The following KCNIP4 variants were observed in gnomAD, a reference collection of about 807,000 sequenced individuals.
KCNIP4 encodes the protein potassium voltage-gated channel interacting protein 4, also known as Kv channel-interacting protein 4.
A neutral mutation model predicts 34.0 loss-of-function variants in KCNIP4; 12 were observed. That is an observed-to-expected ratio of 0.35 (90% CI 0.23 to 0.57). The LOEUF (loss-of-function observed/expected upper bound fraction) is 0.57, where lower values mean the gene tolerates loss of function less well. Among genes scored for constraint, KCNIP4 ranks in the 20% least tolerant of loss-of-function variants. KCNIP4 has a pLI of 0.83. For missense variants in KCNIP4, 238 were observed against 311.7 expected (o/e 0.76, Z 1.78); for synonymous variants, 124 against 102.2 (o/e 1.21, Z -1.29).
At chr4:21,227,730 T>C (rs1386573423) in intron 1 of KCNIP4, among the ~76,000 whole-genome samples, 1 of 152,146 alleles carries the variant, frequency 6.6e-6, no homozygotes, top group Non-Finnish European at 1.5e-5. Context: ...ATCAATTCCA[T>C]TCTAGTTATT....
At chr4:21,174,073 G>T (rs1224008244) in intron 1 of KCNIP4, among the ~76,000 whole-genome samples, 2 of 152,144 alleles carry the variant, frequency 1.3e-5, no homozygotes, top group Admixed American at 6.5e-5. Context: ...ATGTCAAATT[G>T]TTCCCTTATA....
At chr4:21,640,583 T>C (rs1435917091) in intron 1 of KCNIP4, among the ~76,000 whole-genome samples, 1 of 152,114 alleles carries the variant, frequency 6.6e-6, no homozygotes, top group African/African-American at 2.4e-5. Context: ...CTGATCCATG[T>C]TCCAGCCAAC....
chr4:20,823,936 C>T (rs1396390220), intron 3 of KCNIP4, among the ~76,000 whole-genome samples: 1 of 152,118 alleles, frequency 6.6e-6, no homozygotes, highest in Non-Finnish European at 1.5e-5. Flanking sequence ...AGAATAGTGG[C>T]TAAGAATATG....
intron 1 of KCNIP4, among the ~76,000 whole-genome samples, chr4:21,109,048 G>A (rs1329436974): frequency 9.9e-5 from 15 of 152,224 alleles, no homozygotes; most frequent in Admixed American, 9.2e-4. Flanking sequence ...GGGGGTCAGG[G>A]GTCAGGGACC....
At chr4:21,138,247 A>T (rs1577763224) in intron 1 of KCNIP4, among the ~76,000 whole-genome samples, 2 of 152,122 alleles carry the variant, frequency 1.3e-5, no homozygotes, top group Non-Finnish European at 2.9e-5. Flanking sequence ...TGCCCTAAGG[A>T]TCCCACTCAA....
intron 1 of KCNIP4, among the ~76,000 whole-genome samples, chr4:21,708,661 A>G (rs1225972023): frequency 1.3e-5 from 2 of 152,082 alleles, no homozygotes; most frequent in African/African-American, 4.8e-5. Context: ...CCAGCCTTCC[A>G]TTTCAAAACA....
intron 1 of KCNIP4, among the ~76,000 whole-genome samples, chr4:21,336,482 A>G (rs757879726): frequency 6.6e-6 from 1 of 152,092 alleles, no homozygotes; most frequent in Non-Finnish European, 1.5e-5. Flanking sequence ...CAAGGTATAA[A>G]GCTCCCATTT....
chr4:21,841,193 A>G (rs1723656397), intron 1 of KCNIP4, among the ~76,000 whole-genome samples: 2 of 152,316 alleles, frequency 1.3e-5, no homozygotes, highest in South Asian at 4.1e-4. Context: ...ATGCTTATGA[A>G]CTAAGGCAGA....
intron 1 of KCNIP4, among the ~76,000 whole-genome samples, chr4:21,320,097 A>T (rs1714211143): frequency 6.6e-6 from 1 of 152,244 alleles, no homozygotes; most frequent in African/African-American, 2.4e-5. Flanking sequence ...TCATTTCTAC[A>T]GTTAACCTTA....
At chr4:21,818,531 C>G (rs542527609) in intron 1 of KCNIP4, among the ~76,000 whole-genome samples, 1 of 152,260 alleles carries the variant, frequency 6.6e-6, no homozygotes, top group African/African-American at 2.4e-5. Context: ...GGATTTTAAA[C>G]AAATTAAAAT....
chr4:20,988,911 T>C (rs928079345), intron 1 of KCNIP4, among the ~76,000 whole-genome samples: 3 of 152,242 alleles, frequency 2.0e-5, no homozygotes, highest in African/African-American at 7.2e-5. Flanking sequence ...CTATAATCAC[T>C]GGGCAGAAAG....
chr4:21,193,571 A>ATTT lies in KCNIP4; in HGVS notation c.62-310865_62-310863dup, dbSNP rs71655619. Among the ~76,000 whole-genome samples the ATTT allele has an allele frequency of 7.4e-3, 878 of 119,216 alleles. 40 individuals carry two copies. The highest frequency in any genetic ancestry group is 0.03 in the African/African-American group (827 of 28,010). The allele number at this position is 119,216 out of a possible 152,430, so 78.2% of individuals were successfully genotyped here. ...TATGGATCACTTATTGCAATTTTAAATTTTTTTTTTTTTTTTTTTTGAGAC... is the reference window on the plus strand; with the variant it reads ...TATGGATCACTTATTGCAATTTTAAATTTTTTTTTTTTTTTTTTTTTTTGAGAC... On this transcript the variant is annotated intron_variant, in intron 1 of 8. Coordinates refer to ENST00000382152, the MANE Select transcript of KCNIP4 (RefSeq NM_025221.6).
chr4:21,042,847 T>A (rs1386792562), intron 1 of KCNIP4, among the ~76,000 whole-genome samples: 6 of 152,138 alleles, frequency 3.9e-5, no homozygotes, highest in African/African-American at 7.2e-5. Context: ...AGAATGTGTC[T>A]CCATTATGCG....
At chr4:21,700,723 T>C (rs767974253) in intron 1 of KCNIP4, among the ~76,000 whole-genome samples, 14 of 152,264 alleles carry the variant, frequency 9.2e-5, no homozygotes, top group Admixed American at 6.5e-4. Context: ...GTATCACAGT[T>C]CCAGGTTTTA....
At chr4:21,462,976 A>C (rs1407571853) in intron 1 of KCNIP4, among the ~76,000 whole-genome samples, 1 of 152,056 alleles carries the variant, frequency 6.6e-6, no homozygotes, top group Non-Finnish European at 1.5e-5. Flanking sequence ...TGCAACAAAC[A>C]TGAGAGTGAG....
intron 1 of KCNIP4, among the ~76,000 whole-genome samples, chr4:21,278,234 A>T (rs766151899): frequency 6.6e-5 from 10 of 152,162 alleles, no homozygotes; most frequent in Non-Finnish European, 8.8e-5. Flanking sequence ...GTTCAGGGGC[A>T]CATGTGCAGG....
intron 1 of KCNIP4, among the ~76,000 whole-genome samples, chr4:21,776,346 T>C (rs2109202161): frequency 6.6e-6 from 1 of 152,244 alleles, no homozygotes; most frequent in East Asian, 1.9e-4. Context: ...TTTTTTTCGA[T>C]GGGAGCCTCC....
chr4:21,386,023 T>C (rs1422070535), intron 1 of KCNIP4, among the ~76,000 whole-genome samples: 1 of 152,160 alleles, frequency 6.6e-6, no homozygotes, highest in African/African-American at 2.4e-5. Flanking sequence ...CACACTTGTC[T>C]CTTTCAAAGG....
chr4:21,905,750 T>C (rs1727967680), intron 1 of KCNIP4, among the ~76,000 whole-genome samples: 1 of 152,208 alleles, frequency 6.6e-6, no homozygotes, highest in Non-Finnish European at 1.5e-5. Flanking sequence ...AGTGCAGGTG[T>C]CACAAATAAA....
Sources: gnomAD v4.1 joint callset for allele counts (sites outside exome capture counted in the v4.1 genomes callset) on GRCh38, gnomAD v4.1.1 for gene constraint, MANE v1.5 for transcripts, NCBI Gene and HGNC (gene_info 2026-07-23, HGNC 2026-07-21) for gene names.